The following RMND5A variants were observed in gnomAD, a reference collection of about 807,000 sequenced individuals.
RMND5A encodes the protein required for meiotic nuclear division 5 homolog A.
In RMND5A, 17 loss-of-function variants were observed where a neutral mutation model predicts 49.7. The ratio of observed to expected loss-of-function variants is 0.34; its 90% CI spans 0.23 to 0.51. RMND5A has a LOEUF of 0.51. Among genes scored for constraint, RMND5A ranks in the 20% least tolerant of loss-of-function variants. The pLI is 0.96. For missense variants in RMND5A, 255 were observed against 471.3 expected (o/e 0.54, Z 4.25); for synonymous variants, 156 against 167.7 (o/e 0.93, Z 0.54).
At chr2:86,757,545 A>T (rs560223706) in intron 4 of RMND5A, among the ~76,000 whole-genome samples, 50 of 152,348 alleles carry the variant, frequency 3.3e-4, no homozygotes, top group Admixed American at 1.4e-3. Context: ...AAATAGTGTT[A>T]ACGAGAGAAT....
At chr2:86,758,456 T>G (rs1681786577) in intron 4 of RMND5A, among the ~76,000 whole-genome samples, 1 of 152,222 alleles carries the variant, frequency 6.6e-6, no homozygotes, top group African/African-American at 2.4e-5. Flanking sequence ...GTTTGTAGTT[T>G]CCGATATTTT....
At chr2:86,749,117 T>A (rs2104395124) in intron 2 of RMND5A, among the ~76,000 whole-genome samples, 1 of 152,302 alleles carries the variant, frequency 6.6e-6, no homozygotes, top group South Asian at 2.1e-4. Flanking sequence ...GAGAACAGCG[T>A]TGATCAGCCT....
rs1681310658 is a variant in RMND5A at position 86,728,844 on chromosome 2, C to G, written c.142+8035C>G. On this transcript the variant is annotated intron_variant, in intron 1 of 8. Coordinates refer to ENST00000283632, the MANE Select transcript of RMND5A (RefSeq NM_022780.4). ...TCTTGGCTCACTGCAACCTCTGCCT[C>G]CCAAGTTCAAGCGATTCCCCTGCCT... 3.8e-5 allele frequency among the ~76,000 whole-genome samples: 4 copies of G among 104,176 alleles called. No homozygotes were observed. The South Asian group carries it at 1.1e-3, about 28-fold the overall frequency. 68.3% of individuals were successfully genotyped at this position (104,176 alleles called of 152,430 possible).
intron 2 of RMND5A, among the ~76,000 whole-genome samples, chr2:86,748,781 C>G (rs958011521): frequency 6.6e-6 from 1 of 152,188 alleles, no homozygotes; most frequent in Non-Finnish European, 1.5e-5. Flanking sequence ...ATTGTTTCAA[C>G]ATGATCTGTG....
intron 2 of RMND5A, among the ~76,000 whole-genome samples, chr2:86,742,872 A>G (rs1298536749): frequency 6.6e-6 from 1 of 151,570 alleles, no homozygotes; most frequent in African/African-American, 2.4e-5. Context: ...CAAGGCAGCC[A>G]ATCAGAGATT....
rs1038992907 is a variant in RMND5A at position 86,773,750 on chromosome 2, C to T, written c.*339C>T. The T allele has an allele frequency of 1.1e-4, 20 of 174,894 alleles. No homozygotes were observed. Among genetic ancestry groups the T allele is most frequent in the Non-Finnish European group, 2.2e-4 (18 of 83,212 alleles). The allele number at this position is 174,894 out of a possible 1,614,324, so 10.8% of individuals were successfully genotyped here. A position where few individuals can be genotyped will look rare whatever the true frequency, so the allele number is the denominator to read the frequency against. On this transcript the variant is annotated 3_prime_UTR_variant, in exon 9 of 9. Coordinates refer to ENST00000283632, the MANE Select transcript of RMND5A (RefSeq NM_022780.4). Reference sequence around the variant, plus strand: ...CCTCCCCGCCATGTGTTTAATATTCCTCCTGCTTTTACTTTTGTCATTTTC... The same window carrying T: ...CCTCCCCGCCATGTGTTTAATATTCTTCCTGCTTTTACTTTTGTCATTTTC...
chr2:86,756,752 T>G (rs566426829), intron 4 of RMND5A, among the ~76,000 whole-genome samples: 32 of 152,276 alleles, frequency 2.1e-4, no homozygotes, highest in Non-Finnish European at 2.8e-4. Context: ...ATCTGCCAGT[T>G]ATGCAGCATC....
At chr2:86,757,739 T>C (rs1476521597) in intron 4 of RMND5A, among the ~76,000 whole-genome samples, 1 of 152,264 alleles carries the variant, frequency 6.6e-6, no homozygotes, top group Non-Finnish European at 1.5e-5. Flanking sequence ...GTCTAGTATC[T>C]GACTTTCAGC....
intron 6 of RMND5A, 99 bp from the exon 7 acceptor site, chr2:86,769,924 G>A: frequency 1.3e-6 from 1 of 780,564 alleles, no homozygotes; most frequent in Non-Finnish European, 2.2e-6. Context: ...CCAGTGGCCA[G>A]GGTCTGCAGC....
In RMND5A at chr2:86,776,274, G is replaced by A. The variant is rs946891253; in HGVS notation, c.*2863G>A. The A allele has an allele frequency of 6.6e-5, 10 of 152,138 alleles. No homozygotes were observed. The highest frequency in any genetic ancestry group is 2.4e-4 in the African/African-American group (10 of 41,418). 9.4% of individuals were successfully genotyped at this position (152,138 alleles called of 1,614,324 possible). A position where few individuals can be genotyped will look rare whatever the true frequency, so the allele number is the denominator to read the frequency against. On this transcript the variant is annotated 3_prime_UTR_variant, in exon 9 of 9. Coordinates refer to ENST00000283632, the MANE Select transcript of RMND5A (RefSeq NM_022780.4). ...ATTTCTGTTTTATTGGTGATTATAC[G>A]AGACTTCTAATACATAAATGAACGG...
chr2:86,724,927 A>G (rs1681267661), intron 1 of RMND5A, among the ~76,000 whole-genome samples: 1 of 3,600 alleles, frequency 2.8e-4, no homozygotes. Context: ...GTTTCCCATT[A>G]GCACCTCTGT....
At chr2:86,750,447 A>T (rs1287435521) in intron 2 of RMND5A, among the ~76,000 whole-genome samples, 2 of 152,198 alleles carry the variant, frequency 1.3e-5, no homozygotes, top group Non-Finnish European at 2.9e-5. Context: ...TCTGGCCTCC[A>T]TAGTTTCTGT....
rs377300145 is a variant in RMND5A at position 86,770,142 on chromosome 2, A to G, written c.957+17A>G. The G allele has an allele frequency of 3.5e-5, 54 of 1,531,880 alleles. No individual in the cohort carries two copies. Among genetic ancestry groups the G allele is most frequent in the Middle Eastern group, 1.7e-4 (1 of 5,834 alleles). 94.9% of individuals were successfully genotyped at this position (1,531,880 alleles called of 1,614,324 possible). ...GAATTACCTGTGAGTTCCATTTTCT[A>G]TTGGCTATTTACTTTTACTGCCATT... is the stretch of plus-strand genomic sequence containing the variant. On this transcript the variant is annotated intron_variant, in intron 7 of 8. Transcript: ENST00000283632.
chr2:86,766,061 A>C (rs906013138), intron 6 of RMND5A, 37 bp downstream of exon 6: 3 of 1,554,662 alleles, frequency 1.9e-6, no homozygotes, highest in Non-Finnish European at 2.6e-6. Flanking sequence ...TGAAGTATGC[A>C]CTGCATTATC....
In RMND5A at chr2:86,763,167, A is replaced by G. The variant is rs1029714471; in HGVS notation, c.522-1860A>G. Among the ~76,000 whole-genome samples, 13 of 148,618 alleles carry G rather than the reference A, an allele frequency of 8.7e-5. No individual in the cohort carries two copies. The Middle Eastern group carries it at 0.01, about 118-fold the overall frequency. ...ATTTATGAATTTTTCGTTTTTTTCT[A>G]TTGACTTTTTTAAAATTAAAATTTG... On this transcript the variant is annotated intron_variant, in intron 4 of 8. Coordinates refer to ENST00000283632, the MANE Select transcript of RMND5A (RefSeq NM_022780.4).
intron 4 of RMND5A, among the ~76,000 whole-genome samples, chr2:86,757,919 A>T (rs1681771409): frequency 6.6e-6 from 1 of 152,222 alleles, no homozygotes; most frequent in African/African-American, 2.4e-5. Flanking sequence ...AAGGCACATG[A>T]GCTTGCAAAG....
rs1681418217 is a variant in RMND5A at position 86,738,533 on chromosome 2, A to G, written c.143-2394A>G. Among the ~76,000 whole-genome samples, 4 of 55,180 alleles carry G rather than the reference A, an allele frequency of 7.2e-5. 1 individual carries two copies. The Admixed American group carries it at 8.4e-4, about 12-fold the overall frequency. 36.2% of individuals were successfully genotyped at this position (55,180 alleles called of 152,430 possible). On this transcript the variant is annotated intron_variant, in intron 1 of 8. Transcript: ENST00000283632. ...ACTCCAGTGTGGGCAACAGAGCGAG[A>G]CCCTGTCTCAAAAAAAAAAAATGTT...
intron 2 of RMND5A, among the ~76,000 whole-genome samples, chr2:86,749,673 A>G (rs1681599193): frequency 6.6e-6 from 1 of 152,170 alleles, no homozygotes; most frequent in African/African-American, 2.4e-5. Context: ...TACAGGAGTG[A>G]GCCATCATGC....
At chr2:86,741,391 C>G (rs1044337162) in intron 2 of RMND5A, among the ~76,000 whole-genome samples, 1 of 152,070 alleles carries the variant, frequency 6.6e-6, no homozygotes, top group Admixed American at 6.6e-5. Flanking sequence ...GTTTGTTTAC[C>G]AGAAGTAACT....
Sources: allele counts gnomAD v4.1 joint callset (sites outside exome capture counted in the v4.1 genomes callset), GRCh38; gene constraint gnomAD v4.1.1; transcripts MANE v1.5; gene names NCBI Gene and HGNC (gene_info 2026-07-23, HGNC 2026-07-21).